SLCO1C1: variants seen among roughly 807,000 people sequenced by gnomAD.
SLCO1C1 encodes the protein OAT-RP-5.
SLCO1C1 carries 70 observed loss-of-function variants against 76.4 expected under a neutral mutation model. The ratio of observed to expected loss-of-function variants is 0.92; its 90% CI spans 0.76 to 1.12. The LOEUF (loss-of-function observed/expected upper bound fraction) is 1.12. Ranked by LOEUF, SLCO1C1 falls within the 50% of genes most tolerant of loss-of-function variation. SLCO1C1 has a pLI of 0.00. For missense variants in SLCO1C1, 912 were observed against 823.8 expected (o/e 1.11, Z -1.31); for synonymous variants, 306 against 286.1 (o/e 1.07, Z -0.70).
intron 5 of SLCO1C1, among the ~76,000 whole-genome samples, chr12:20,713,870 A>G (rs1321326921): frequency 6.6e-6 from 1 of 152,244 alleles, no homozygotes; most frequent in Admixed American, 6.5e-5. Flanking sequence ...ATTGAATTAA[A>G]AAGCACAGAC....
intron 1 of SLCO1C1, among the ~76,000 whole-genome samples, chr12:20,698,275 CTCT>C (rs200542805): frequency 9.3e-5 from 14 of 151,062 alleles, no homozygotes; most frequent in East Asian, 3.9e-4. Context: ...CTTTCACTCA[CTCT>C]TCTTTTTCAA....
intron 1 of SLCO1C1, among the ~76,000 whole-genome samples, chr12:20,697,907 T>G (rs1178642676): frequency 6.6e-6 from 1 of 152,102 alleles, no homozygotes; most frequent in Non-Finnish European, 1.5e-5. Context: ...AATGATTATC[T>G]GTTTCCATTA....
intron 6 of SLCO1C1, among the ~76,000 whole-genome samples, chr12:20,715,986 T>C (rs924794373): frequency 2.6e-5 from 4 of 152,210 alleles, no homozygotes; most frequent in Non-Finnish European, 4.4e-5. Context: ...CTCTCCTTTT[T>C]TAACTGTTAT....
chr12:20,743,509 C>G, intron 13 of SLCO1C1, 140 bp downstream of exon 13: 2 of 571,020 alleles, frequency 3.5e-6, no homozygotes, highest in Admixed American at 6.1e-5. Context: ...TTCCTTTCTT[C>G]ATTTCTTTGT....
Position 20,721,971 on chromosome 12 carries a change from T to C in SLCO1C1, c.943T>C (p.Ser315Pro). Residue 315 changes from serine (S) to proline (P), a missense_variant, in exon 8 of 15, where the codon TCC becomes CCC. Coordinates refer to ENST00000266509, the MANE Select transcript of SLCO1C1 (RefSeq NM_017435.5). ...GGATTCTAATTCTTCCTCTGAGAAATCCAAGTTTATTATAGATGATCACAC... is the reference window on the plus strand; with the variant it reads ...GGATTCTAATTCTTCCTCTGAGAAACCCAAGTTTATTATAGATGATCACAC... ...REDSNSSSEK[S>P]KFIIDDHTDY... 1 of 1,614,058 alleles carries C rather than the reference T, an allele frequency of 6.2e-7. No homozygotes were observed. The highest frequency in any genetic ancestry group is 8.5e-7 in the Non-Finnish European group (1 of 1,180,004).
At chr12:20,738,080 T>C (rs1407357416) in intron 11 of SLCO1C1, among the ~76,000 whole-genome samples, 1 of 152,008 alleles carries the variant, frequency 6.6e-6, no homozygotes, top group East Asian at 1.9e-4. Flanking sequence ...CTCCTGTCTC[T>C]TCTTATAAGG....
chr12:20,735,666 G>A (rs1948503263), intron 10 of SLCO1C1, among the ~76,000 whole-genome samples: 1 of 152,006 alleles, frequency 6.6e-6, no homozygotes, highest in African/African-American at 2.4e-5. Context: ...GAGGTCTTTG[G>A]TTTGTACTTT....
intron 13 of SLCO1C1, among the ~76,000 whole-genome samples, chr12:20,748,070 C>T (rs561911429): frequency 1.3e-5 from 2 of 152,240 alleles, no homozygotes; most frequent in South Asian, 4.2e-4. Context: ...AAAATAACTT[C>T]TTAATATTAG....
At chr12:20,732,369 A>G (rs1266745278) in intron 9 of SLCO1C1, among the ~76,000 whole-genome samples, 1 of 152,178 alleles carries the variant, frequency 6.6e-6, no homozygotes, top group Non-Finnish European at 1.5e-5. Flanking sequence ...CAGTGTGATA[A>G]TATTAACATA....
intron 14 of SLCO1C1, 120 bp from the exon 15 acceptor site, chr12:20,752,186 T>G: frequency 1.5e-6 from 1 of 647,050 alleles, no homozygotes; most frequent in Non-Finnish European, 2.5e-6. Flanking sequence ...AACAGTCTTT[T>G]ATATAAGCCA....
At chr12:20,748,897 C>T (rs994945095) in intron 13 of SLCO1C1, among the ~76,000 whole-genome samples, 1 of 152,068 alleles carries the variant, frequency 6.6e-6, no homozygotes, top group African/African-American at 2.4e-5. Flanking sequence ...TAATTTTGGT[C>T]CCTTGGTGAA....
chr12:20,707,069 A>G (rs1946815881), intron 4 of SLCO1C1, among the ~76,000 whole-genome samples: 1 of 152,054 alleles, frequency 6.6e-6, no homozygotes, highest in African/African-American at 2.4e-5. Context: ...CTCCCTGGCC[A>G]ATCTATCAAG....
intron 7 of SLCO1C1, among the ~76,000 whole-genome samples, chr12:20,721,019 A>AAAT: frequency 6.6e-6 from 1 of 150,834 alleles, no homozygotes; most frequent in African/African-American, 2.4e-5. Context: ...AAAAAAAAAA[A>AAAT]GCTTAAACAG....
At chr12:20,740,783 T>TATA (rs1406774430) in intron 12 of SLCO1C1, among the ~76,000 whole-genome samples, 1,883 of 53,710 alleles carry the variant, frequency 0.035, 254 homozygotes, top group Admixed American at 0.095. Flanking sequence ...AGAATTTATT[T>TATA]TATTTATATA....
At chr12:20,749,975 G>A (rs1949220011) in intron 13 of SLCO1C1, among the ~76,000 whole-genome samples, 1 of 152,160 alleles carries the variant, frequency 6.6e-6, no homozygotes, top group Non-Finnish European at 1.5e-5. Context: ...GACAAGAGGA[G>A]AGAACATTTT....
chr12:20,701,816 T>C (rs962812096), intron 3 of SLCO1C1, among the ~76,000 whole-genome samples: 1 of 151,946 alleles, frequency 6.6e-6, no homozygotes, highest in Admixed American at 6.6e-5. Context: ...GGGAGCACTA[T>C]GATTCAATTT....
At chr12:20,740,106 A>T (rs1245104632) in intron 11 of SLCO1C1, 78 bp from the exon 12 acceptor site, 1 of 1,369,202 alleles carries the variant, frequency 7.3e-7, no homozygotes, top group Non-Finnish European at 1.0e-6. Flanking sequence ...TGGCTACGGT[A>T]AACATTTTTA....
At position 20,737,199 on chromosome 12, in the gene SLCO1C1, G is replaced by C. The variant is rs2120856829; in HGVS notation, c.1475G>C (p.Gly492Ala). 2 of 1,571,578 alleles carry C rather than the reference G, an allele frequency of 1.3e-6. No homozygotes were observed. The highest frequency in any genetic ancestry group is 3.4e-4 in the Middle Eastern group (2 of 5,960). The part of the protein sequence containing the change: ...CSETKWEPMC[G>A]ENGITYVSAC... ...GAGACAAAATGGGAACCCATGTGCG[G>C]TGAAAATGGAATCACATATGTATCA... Residue 492 changes from glycine to alanine, a missense_variant, in exon 11 of 15, where the codon GGT (glycine) becomes GCT (alanine). Gly to Ala is a moderately conservative substitution (Grantham distance 60). Coordinates refer to ENST00000266509, the MANE Select transcript of SLCO1C1 (RefSeq NM_017435.5).
At chr12:20,704,603 A>T (rs1946688322) in intron 3 of SLCO1C1, among the ~76,000 whole-genome samples, 1 of 151,854 alleles carries the variant, frequency 6.6e-6, no homozygotes, top group Non-Finnish European at 1.5e-5. Context: ...GACTAGGACC[A>T]CTGTGCAAGT....
Sources: gnomAD v4.1 joint callset for allele counts (sites outside exome capture counted in the v4.1 genomes callset) on GRCh38, gnomAD v4.1.1 for gene constraint, MANE v1.5 for transcripts, NCBI Gene and HGNC (gene_info 2026-07-23, HGNC 2026-07-21) for gene names.